The following TCF12 variants were observed in gnomAD, a reference collection of about 807,000 sequenced individuals.
TCF12 encodes the protein transcription factor 12.
In TCF12, 45 loss-of-function variants were observed where a neutral mutation model predicts 86.0. That is an observed-to-expected ratio of 0.52 (90% confidence interval 0.41 to 0.67). TCF12 has a LOEUF of 0.67. Among genes scored for constraint, TCF12 ranks in the 30% least tolerant of loss-of-function variants. The pLI is 0.00. For missense variants in TCF12, 881 were observed against 859.9 expected, an observed-to-expected ratio of 1.02 and a Z score of -0.31; for synonymous variants, 330 against 299.6, an observed-to-expected ratio of 1.10 and a Z score of -1.05.
rs553509031 is a variant in TCF12, at chr15:57,040,422, G to A, written c.149-23328G>A. ...ATCGGAAGAAAGCTCTTTGGCAAGT[G>A]CATAACCTGACTGAAATGTCAGGGA... On this transcript the variant is annotated intron_variant, in intron 3 of 20. Transcript: ENST00000333725. Among the ~76,000 whole-genome samples the A allele has an allele frequency of 5.3e-5, 8 of 152,326 alleles. No individual in the cohort carries two copies. In the South Asian group the frequency reaches 1.2e-3, roughly 24 times the overall value.
chr15:57,054,307 T>C (rs2962992), intron 3 of TCF12, among the ~76,000 whole-genome samples: 86,759 of 152,036 alleles, frequency 0.57, 24,998 homozygotes, highest in Admixed American at 0.61. Flanking sequence ...CAGCAAAAAT[T>C]CATTAAAATG....
At chr15:57,021,506 G>A (rs1026004143) in intron 3 of TCF12, among the ~76,000 whole-genome samples, 4 of 152,200 alleles carry the variant, frequency 2.6e-5, no homozygotes, top group Non-Finnish European at 2.9e-5. Flanking sequence ...CCAATCATAA[G>A]GAAACAGTTT....
intron 5 of TCF12, among the ~76,000 whole-genome samples, chr15:57,112,947 CA>C (rs2050593573): frequency 6.6e-6 from 1 of 152,094 alleles, no homozygotes; most frequent in Admixed American, 6.5e-5. Context: ...ACATGATTTT[CA>C]GTTTGAATAC....
At chr15:56,920,025 G>A in intron 2 of TCF12, 37 bp downstream of exon 2, 1 of 1,611,394 alleles carries the variant, frequency 6.2e-7, no homozygotes. Flanking sequence ...GGGTTCTGCT[G>A]AGGTTTTTGT....
chr15:57,269,360 C>CTT (rs56700978), intron 18 of TCF12, among the ~76,000 whole-genome samples: 14 of 31,998 alleles, frequency 4.4e-4, no homozygotes, highest in Non-Finnish European at 5.8e-4. Flanking sequence ...ACAACCCCTG[C>CTT]TTTTTTTTTT....
At position 56,952,189 on chromosome 15, in the gene TCF12, T is replaced by C. The variant is rs72749425; in HGVS notation, c.148+31091T>C. Among the ~76,000 whole-genome samples, 43 of 150,398 alleles carry C rather than the reference T, an allele frequency of 2.9e-4. No homozygotes were observed. The East Asian group carries it at 2.9e-3, about 10-fold the overall frequency. ...TATAAAAAAGGCTTTTTTGTGTATA[T>C]ACACACACACACACACACAAATACA... On this transcript the variant is annotated intron_variant, in intron 3 of 20. Coordinates refer to ENST00000333725, the MANE Select transcript of TCF12 (RefSeq NM_207037.2).
Position 57,174,953 on chromosome 15 carries a change from T to C in TCF12, c.390+8487T>C, listed in dbSNP as rs2055800138. On this transcript the variant is annotated intron_variant, in intron 6 of 20. Transcript: ENST00000333725. ...GCAACATAGCAAGACCCTGTCTCTT[T>C]AGGGGAAGAAAACAAAACAAAAACT... Among the ~76,000 whole-genome samples the C allele has an allele frequency of 2.0e-5, 3 of 151,954 alleles. No individual in the cohort carries two copies. In the South Asian group the frequency reaches 6.2e-4, roughly 32 times the overall value.
intron 5 of TCF12, among the ~76,000 whole-genome samples, chr15:57,121,615 A>G (rs2051239054): frequency 1.3e-5 from 2 of 152,206 alleles, no homozygotes; most frequent in South Asian, 2.1e-4. Context: ...TTGAAGATAC[A>G]GTATTGCTCC....
intron 6 of TCF12, among the ~76,000 whole-genome samples, chr15:57,172,453 A>G (rs2055582127): frequency 6.6e-6 from 1 of 152,230 alleles, no homozygotes; most frequent in Non-Finnish European, 1.5e-5. Context: ...TTTCAGGGGC[A>G]CACATTACAC....
intron 3 of TCF12, among the ~76,000 whole-genome samples, chr15:57,035,511 C>G (rs1437950571): frequency 6.6e-6 from 1 of 152,118 alleles, no homozygotes; most frequent in Non-Finnish European, 1.5e-5. Flanking sequence ...AAGTGATCCT[C>G]CCACCTCGGC....
intron 3 of TCF12, among the ~76,000 whole-genome samples, chr15:56,969,068 G>A (rs1481431923): frequency 6.6e-6 from 1 of 152,150 alleles, no homozygotes; most frequent in African/African-American, 2.4e-5. Flanking sequence ...GAGCCTCAGA[G>A]GGATGACTGT....
chr15:57,184,461 G>A (rs1202852479), intron 6 of TCF12, among the ~76,000 whole-genome samples: 1 of 152,066 alleles, frequency 6.6e-6, no homozygotes, highest in African/African-American at 2.4e-5. Flanking sequence ...CCCTCCTTCT[G>A]ATATATTTGT....
intron 8 of TCF12, chr15:57,214,157 C>T (rs12914418): frequency 1.3e-5 from 2 of 152,030 alleles, no homozygotes; most frequent in African/African-American, 2.4e-5. Context: ...GGGACCCCCC[C>T]TCTTTAATTT....
intron 4 of TCF12, among the ~76,000 whole-genome samples, chr15:57,067,598 C>T (rs1427395291): frequency 3.4e-5 from 5 of 148,496 alleles, no homozygotes; most frequent in Non-Finnish European, 5.9e-5. Flanking sequence ...GCATGGTCAG[C>T]ATTCTTAGGC....
chr15:57,165,161 T>TGTGC (rs1181184625), intron 5 of TCF12, among the ~76,000 whole-genome samples: 3 of 150,310 alleles, frequency 2.0e-5, no homozygotes, highest in South Asian at 2.1e-4. Flanking sequence ...TGTGTGTGTG[T>TGTGC]GTGCGTACAC....
At chr15:56,962,390 A>G (rs117792674) in intron 3 of TCF12, among the ~76,000 whole-genome samples, 6,153 of 152,298 alleles carry the variant, frequency 0.04, 373 homozygotes, top group Admixed American at 0.17. Flanking sequence ...AAAGTCTACT[A>G]TAACTTTTTT....
chr15:56,998,457 CAAA>C (rs71113049), intron 3 of TCF12, among the ~76,000 whole-genome samples: 11 of 110,648 alleles, frequency 9.9e-5, no homozygotes, highest in Non-Finnish European at 1.2e-4. Flanking sequence ...AACTCTGTCT[CAAA>C]AAAAAAAAAA....
At chr15:57,254,890 A>G (rs1292178794) in intron 16 of TCF12, among the ~76,000 whole-genome samples, 6 of 142,194 alleles carry the variant, frequency 4.2e-5, no homozygotes, top group Non-Finnish European at 9.4e-5. Context: ...AAGAAAGAAA[A>G]AAATATGAGA....
intron 8 of TCF12, among the ~76,000 whole-genome samples, chr15:57,220,092 T>G (rs2058520472): frequency 6.6e-6 from 1 of 152,154 alleles, no homozygotes; most frequent in South Asian, 2.1e-4. Context: ...ACTCAATAGT[T>G]GTTGGCTTTC....
Sources: gnomAD v4.1 joint callset for allele counts (sites outside exome capture counted in the v4.1 genomes callset) on GRCh38, gnomAD v4.1.1 for gene constraint, MANE v1.5 for transcripts, NCBI Gene and HGNC (gene_info 2026-07-23, HGNC 2026-07-21) for gene names.